The following NFATC1 variants were observed in gnomAD, a reference collection of about 807,000 sequenced individuals.
NFATC1 encodes the protein nuclear factor of activated T cells 1.
NFATC1 carries 22 observed loss-of-function variants against 76.0 expected under a neutral mutation model. The ratio of observed to expected loss-of-function variants is 0.29; its 90% CI spans 0.21 to 0.41. The LOEUF (loss-of-function observed/expected upper bound fraction) is 0.41. Ranked by LOEUF, NFATC1 falls within the 10% of genes least tolerant of loss-of-function variation. The pLI is 1.00. For missense variants in NFATC1, 1,357 were observed against 1,337.7 expected, an observed-to-expected ratio of 1.01 and a Z score of -0.23; for synonymous variants, 704 against 613.1, an observed-to-expected ratio of 1.15 and a Z score of -2.19.
chr18:79,520,297 G>A (rs186542665), intron 9 of NFATC1, among the ~76,000 whole-genome samples: 115 of 150,922 alleles, frequency 7.6e-4, no homozygotes, highest in African/African-American at 2.8e-3. Context: ...GATGCCTCCG[G>A]AGGGACTCGG....
intron 8 of NFATC1, among the ~76,000 whole-genome samples, chr18:79,474,989 G>A (rs1443203967): frequency 7.5e-6 from 1 of 132,962 alleles, no homozygotes; most frequent in Admixed American, 7.3e-5. Flanking sequence ...TGAGGGAAGC[G>A]TGTTCTCACG....
chr18:79,497,638 G>C (rs1177664514), intron 9 of NFATC1: 1 of 151,886 alleles, frequency 6.6e-6, no homozygotes, highest in East Asian at 1.9e-4. Flanking sequence ...GGAGATTCCC[G>C]GGCACATACG....
intron 3 of NFATC1, among the ~76,000 whole-genome samples, chr18:79,442,703 C>T (rs1412199206): frequency 1.3e-5 from 2 of 152,196 alleles, no homozygotes. Flanking sequence ...CTGGGTCCCT[C>T]CTGGGGAGCT....
At chr18:79,407,672 T>C (rs2085489181) in intron 1 of NFATC1, among the ~76,000 whole-genome samples, 2 of 152,216 alleles carry the variant, frequency 1.3e-5, no homozygotes, top group Admixed American at 6.5e-5. Flanking sequence ...CTTGAACTTC[T>C]GACCTCAGAT....
chr18:79,457,199 T>C (rs1271655439), intron 6 of NFATC1, among the ~76,000 whole-genome samples: 3 of 152,138 alleles, frequency 2.0e-5, no homozygotes, highest in Non-Finnish European at 4.4e-5. Flanking sequence ...CTCTGTTTGC[T>C]CCCAGAGACC....
chr18:79,507,251 C>G, intron 9 of NFATC1, among the ~76,000 whole-genome samples: 1 of 152,368 alleles, frequency 6.6e-6, no homozygotes, highest in South Asian at 2.1e-4. Context: ...GGAAACCGCA[C>G]GGCTCCCAGC....
intron 1 of NFATC1, among the ~76,000 whole-genome samples, chr18:79,405,402 C>T (rs988111566): frequency 6.6e-5 from 10 of 152,224 alleles, no homozygotes; most frequent in East Asian, 3.8e-4. Context: ...TCAGCCCAAG[C>T]GCCTCAGAAT....
chr18:79,492,432 G>A (rs2089707297), intron 9 of NFATC1, among the ~76,000 whole-genome samples: 1 of 152,162 alleles, frequency 6.6e-6, no homozygotes, highest in South Asian at 2.1e-4. Context: ...GCGTGGGGCT[G>A]GGTGCAGTGG....
intron 9 of NFATC1, among the ~76,000 whole-genome samples, chr18:79,522,820 C>T (rs2090650086): frequency 6.6e-6 from 1 of 152,160 alleles, no homozygotes; most frequent in Non-Finnish European, 1.5e-5. Flanking sequence ...CAGGCACCAG[C>T]CAGTAGGCCC....
chr18:79,527,298 G>A (rs764584494), intron 9 of NFATC1: 93 of 517,954 alleles, frequency 1.8e-4, no homozygotes, highest in Non-Finnish European at 2.4e-4. Context: ...TGCTGGTACC[G>A]TGCTACGGAC....
At chr18:79,419,178 C>T (rs1364614095) in intron 2 of NFATC1, among the ~76,000 whole-genome samples, 1 of 152,140 alleles carries the variant, frequency 6.6e-6, no homozygotes, top group Non-Finnish European at 1.5e-5. Context: ...CGTGCGGCAC[C>T]ACACCTGGCT....
intron 2 of NFATC1, among the ~76,000 whole-genome samples, chr18:79,428,370 A>C (rs1443703599): frequency 6.6e-6 from 1 of 152,190 alleles, no homozygotes; most frequent in Non-Finnish European, 1.5e-5. Context: ...AACTGCCTTG[A>C]TATATCACAT....
intron 9 of NFATC1, among the ~76,000 whole-genome samples, chr18:79,519,179 C>G (rs2090455265): frequency 6.6e-6 from 1 of 152,176 alleles, no homozygotes; most frequent in African/African-American, 2.4e-5. Flanking sequence ...ATGGTTTGAA[C>G]AAGGCAGCAG....
intron 1 of NFATC1, among the ~76,000 whole-genome samples, chr18:79,404,094 C>G (rs1417583045): frequency 6.6e-6 from 1 of 152,174 alleles, no homozygotes; most frequent in Non-Finnish European, 1.5e-5. Context: ...CCATGAACAA[C>G]TTGGATATTT....
At chr18:79,517,670 T>C (rs2090416781) in intron 9 of NFATC1, among the ~76,000 whole-genome samples, 1 of 152,246 alleles carries the variant, frequency 6.6e-6, no homozygotes, top group African/African-American at 2.4e-5. Flanking sequence ...TTCTGATGTC[T>C]GATAATTCTG....
In NFATC1 at chr18:79,474,958, C is replaced by T. The variant is rs1196560695; in HGVS notation, c.2092+7376C>T. On this transcript the variant is annotated intron_variant, in intron 8 of 9. Transcript: ENST00000427363. ...TAAACCTGAGGGAAGCGTGTTCTCACGCTCACTGTCGACGTAAACCTGAGG... is the reference window on the plus strand; with the variant it reads ...TAAACCTGAGGGAAGCGTGTTCTCATGCTCACTGTCGACGTAAACCTGAGG... 1.4e-4 allele frequency among the ~76,000 whole-genome samples: 16 copies of T among 116,124 alleles called. 4 individuals are homozygous for T. Among genetic ancestry groups the T allele is most frequent in the African/African-American group, 6.5e-4 (15 of 22,968 alleles). The allele number at this position is 116,124 out of a possible 152,430, so 76.2% of individuals were successfully genotyped here. A position where few individuals can be genotyped will look rare whatever the true frequency, so the allele number is the denominator to read the frequency against.
At chr18:79,495,003 G>A (rs1394557659) in intron 9 of NFATC1, among the ~76,000 whole-genome samples, 2 of 152,262 alleles carry the variant, frequency 1.3e-5, no homozygotes, top group African/African-American at 2.4e-5. Context: ...TGGTGCGGCC[G>A]GGTGAGCATG....
At chr18:79,420,712 GGAC>G (rs1238336808) in intron 2 of NFATC1, 1 of 151,856 alleles carries the variant, frequency 6.6e-6, no homozygotes, top group Non-Finnish European at 1.5e-5. Flanking sequence ...AGGAAGAGGA[GGAC>G]GTGTTTCCAG....
At chr18:79,425,237 CTCTG>C (rs2086278937) in intron 2 of NFATC1, among the ~76,000 whole-genome samples, 1 of 151,562 alleles carries the variant, frequency 6.6e-6, no homozygotes, top group South Asian at 2.1e-4. Flanking sequence ...CTCTCCCTGT[CTCTG>C]TCTCTCTGTT....
Sources: allele counts gnomAD v4.1 joint callset (sites outside exome capture counted in the v4.1 genomes callset), GRCh38; gene constraint gnomAD v4.1.1; transcripts MANE v1.5; gene names NCBI Gene and HGNC (gene_info 2026-07-23, HGNC 2026-07-21).